C1orf87: variants seen among roughly 807,000 people sequenced by gnomAD.
C1orf87 encodes chromosome 1 open reading frame 87, also known as uncharacterized protein C1orf87.
Under a neutral mutation model 60.5 loss-of-function variants are expected in C1orf87, and 58 were observed. The ratio of observed to expected loss-of-function variants is 0.96; its 90% CI spans 0.78 to 1.19. The LOEUF (loss-of-function observed/expected upper bound fraction) is 1.19, where lower values mean the gene tolerates loss of function less well. C1orf87 is among the 50% of genes most tolerant of loss of function. The pLI is 0.00. For missense variants in C1orf87, 673 were observed against 638.6 expected, an observed-to-expected ratio of 1.05 and a Z score of -0.58; for synonymous variants, 236 against 227.4, an observed-to-expected ratio of 1.04 and a Z score of -0.34.
chr1:59,999,326 G>GA (rs1644985581), intron 10 of C1orf87, among the ~76,000 whole-genome samples: 1 of 152,130 alleles, frequency 6.6e-6, no homozygotes, highest in Non-Finnish European at 1.5e-5. Context: ...TCAATTTTGT[G>GA]AAAAGCAGAA....
At chr1:60,035,586 C>T (rs571381701) in intron 6 of C1orf87, among the ~76,000 whole-genome samples, 1 of 152,338 alleles carries the variant, frequency 6.6e-6, no homozygotes, top group Non-Finnish European at 1.5e-5. Context: ...TACAGGCCAT[C>T]AGTCCTGTAT....
intron 9 of C1orf87, among the ~76,000 whole-genome samples, chr1:60,004,602 T>C (rs1014865833): frequency 6.6e-6 from 1 of 152,078 alleles, no homozygotes; most frequent in African/African-American, 2.4e-5. Flanking sequence ...CCCTTTCTCC[T>C]TCCTAATACC....
At position 60,040,098 on chromosome 1, in the gene C1orf87, G is replaced by C; in HGVS notation, c.566C>G (p.Pro189Arg). 6.2e-7 allele frequency: 1 copy of C among 1,614,182 alleles called. No individual in the cohort carries two copies. Among genetic ancestry groups the C allele is most frequent in the Middle Eastern group, 1.6e-4 (1 of 6,062 alleles). ...ALVRRELKSRPLSSNLLEKLQ... is the reference protein window; with the variant it reads ...ALVRRELKSRRLSSNLLEKLQ... ...CTTTTCTAATAAGTTGGAACTCAAA[G>C]GACGTGACTTGAGTTCTCTTCTGAC... The change falls in exon 5 of 12, where the codon CCT becomes CGT. Residue 189 changes from proline (P) to arginine (R), a missense_variant. Physicochemically the swap from Pro to Arg is moderately radical, Grantham distance 103 (BLOSUM62 -2). Transcript: ENST00000371201.
intron 8 of C1orf87, among the ~76,000 whole-genome samples, chr1:60,019,012 G>T (rs657373): frequency 0.36 from 55,109 of 152,016 alleles, 10,550 homozygotes; most frequent in South Asian, 0.53. Context: ...TAGGTACCCA[G>T]TAAATGCTTG....
intron 6 of C1orf87, among the ~76,000 whole-genome samples, chr1:60,036,909 A>G (rs1467008489): frequency 6.6e-6 from 1 of 152,174 alleles, no homozygotes; most frequent in African/African-American, 2.4e-5. Flanking sequence ...TGACTGACTG[A>G]ACATCTTTTT....
chr1:59,994,852 G>A (rs1644952301), intron 11 of C1orf87, among the ~76,000 whole-genome samples: 1 of 152,186 alleles, frequency 6.6e-6, no homozygotes, highest in East Asian at 1.9e-4. Context: ...GGGCAAAGCA[G>A]ATATCATCTG....
intron 9 of C1orf87, 140 bp downstream of exon 9, chr1:60,010,252 C>G: frequency 1.3e-6 from 1 of 755,990 alleles, no homozygotes; most frequent in Non-Finnish European, 2.2e-6. Flanking sequence ...CCCCATTTTT[C>G]CTTCACTGGG....
At chr1:60,045,628 T>C (rs1044249645) in intron 3 of C1orf87, among the ~76,000 whole-genome samples, 1 of 152,228 alleles carries the variant, frequency 6.6e-6, no homozygotes, top group Non-Finnish European at 1.5e-5. Context: ...GCCCAGACAG[T>C]GTGTTATTTC....
At chr1:60,003,395 G>A (rs923398381) in intron 9 of C1orf87, among the ~76,000 whole-genome samples, 4 of 151,152 alleles carry the variant, frequency 2.6e-5, no homozygotes, top group Admixed American at 1.3e-4. Context: ...TGGGTGCAGC[G>A]CACCAGCATG....
chr1:60,032,132 A>C lies in C1orf87; in HGVS notation c.1029+1344T>G, dbSNP rs184940706. Among the ~76,000 whole-genome samples, 7 of 152,322 alleles carry C rather than the reference A, an allele frequency of 4.6e-5. No individual in the cohort carries two copies. In the East Asian group the frequency reaches 1.3e-3, roughly 29 times the overall value. ...ATATCATGTCCTTGCTCCTTAGTAA[A>C]TATCACCGTTCTTTTAAATTCTCTG... On this transcript the variant is annotated intron_variant, in intron 7 of 11. Coordinates refer to ENST00000371201, the MANE Select transcript of C1orf87 (RefSeq NM_152377.3).
chr1:60,009,532 C>G (rs1263371740), intron 9 of C1orf87, among the ~76,000 whole-genome samples: 1 of 151,940 alleles, frequency 6.6e-6, no homozygotes, highest in Non-Finnish European at 1.5e-5. Context: ...ACTTACATAA[C>G]CAATCCCCTG....
In C1orf87 at chr1:60,073,707, C is replaced by T. The variant is rs901801908; in HGVS notation, c.-45G>A. The T allele has an allele frequency of 1.9e-4, 29 of 152,348 alleles. No homozygotes were observed. Among genetic ancestry groups the T allele is most frequent in the African/African-American group, 6.8e-4 (28 of 41,480 alleles). The allele number at this position is 152,348 out of a possible 1,614,324, so 9.4% of individuals were successfully genotyped here. On this transcript the variant is annotated 5_prime_UTR_variant, in exon 1 of 12. Transcript: ENST00000371201. ...GGGCTTACCGCTAGGGCAGCGTCCCCACCCTGGCAGCTCAGAGGTGCGCGG... is the reference window on the plus strand; with the variant it reads ...GGGCTTACCGCTAGGGCAGCGTCCCTACCCTGGCAGCTCAGAGGTGCGCGG...
Position 60,039,846 on chromosome 1 carries a change from TC to T in C1orf87, c.747+70del, listed in dbSNP as rs1574315351. On this transcript the variant is annotated intron_variant, in intron 5 of 11. Transcript: ENST00000371201. ...TGCAAGAAAGTAGCTAACTTCTTAGTCTTTTACCCTTGTGGGTACAAGTTAA... is the reference window on the plus strand; with the variant it reads ...TGCAAGAAAGTAGCTAACTTCTTAGTTTTTACCCTTGTGGGTACAAGTTAA... 7 of 1,489,402 alleles carry T rather than the reference TC, an allele frequency of 4.7e-6. No individual in the cohort carries two copies. In the East Asian group the frequency reaches 1.6e-4, roughly 34 times the overall value. 92.3% of individuals were successfully genotyped at this position (1,489,402 alleles called of 1,614,324 possible). A position where few individuals can be genotyped will look rare whatever the true frequency, so the allele number is the denominator to read the frequency against.
intron 2 of C1orf87, among the ~76,000 whole-genome samples, chr1:60,070,775 G>T (rs1187396529): frequency 6.6e-6 from 1 of 151,866 alleles, no homozygotes; most frequent in African/African-American, 2.4e-5. Flanking sequence ...TTATTTCTTG[G>T]TTCCTGAAGG....
At chr1:60,013,862 C>A (rs901538435) in intron 8 of C1orf87, among the ~76,000 whole-genome samples, 3 of 151,982 alleles carry the variant, frequency 2.0e-5, no homozygotes, top group Non-Finnish European at 4.4e-5. Flanking sequence ...ACCTGGTGCA[C>A]CTTGGTAGGG....
At chr1:60,025,379 T>C (rs1553127207) in intron 8 of C1orf87, 22 bp downstream of exon 8, 1 of 1,569,918 alleles carries the variant, frequency 6.4e-7, no homozygotes, top group Non-Finnish European at 8.8e-7. Context: ...AAACATTCAG[T>C]TCTTAATAAG....
Position 60,015,453 on chromosome 1 carries a change from C to T in C1orf87, c.1128-4997G>A, listed in dbSNP as rs1645118676. On this transcript the variant is annotated intron_variant, in intron 8 of 11. Coordinates refer to ENST00000371201, the MANE Select transcript of C1orf87 (RefSeq NM_152377.3). The stretch of plus-strand genomic sequence containing the variant: ...AGCAGTCCAAATGGTCTAAGACAGG[C>T]TGCCATAACAAAATACCGCAGATCA... Among the ~76,000 whole-genome samples the T allele has an allele frequency of 2.0e-5, 3 of 152,186 alleles. No individual in the cohort carries two copies. The South Asian group carries it at 6.2e-4, about 32-fold the overall frequency.
chr1:60,014,495 G>C (rs1176402418), intron 8 of C1orf87, among the ~76,000 whole-genome samples: 1 of 151,712 alleles, frequency 6.6e-6, no homozygotes, highest in South Asian at 2.1e-4. Flanking sequence ...TTTAGTTGGG[G>C]GTTGTTAGGC....
intron 7 of C1orf87, among the ~76,000 whole-genome samples, chr1:60,026,033 TTGAA>T (rs1399226879): frequency 6.6e-6 from 1 of 152,168 alleles, no homozygotes; most frequent in Non-Finnish European, 1.5e-5. Context: ...TAAATAGTTA[TTGAA>T]TGAATGAATG....
Sources: allele counts gnomAD v4.1 joint callset (sites outside exome capture counted in the v4.1 genomes callset), GRCh38; gene constraint gnomAD v4.1.1; transcripts MANE v1.5; gene names NCBI Gene and HGNC (gene_info 2026-07-23, HGNC 2026-07-21).